Variants in DDX11 observed in about 807,000 individuals in gnomAD.
The protein encoded by DDX11 is DEAD/H-box helicase 11.
Under a neutral mutation model 125.2 loss-of-function variants are expected in DDX11, and 72 were observed. The ratio of observed to expected loss-of-function variants is 0.58; its 90% confidence interval spans 0.48 to 0.70. The LOEUF is 0.70. Among genes scored for constraint, DDX11 ranks in the 30% least tolerant of loss-of-function variants. The pLI is 0.00. For missense variants in DDX11, 883 were observed against 1,165.0 expected (o/e 0.76, Z 3.52); for synonymous variants, 347 against 452.6 (o/e 0.77, Z 2.96).
rs758078053 is a variant in DDX11, at chr12:31,092,728, C to T, written c.1243-118C>T. 6.5e-6 allele frequency: 7 copies of T among 1,070,942 alleles called. No homozygotes were observed. The Admixed American group carries it at 9.4e-5, about 14-fold the overall frequency. 66.3% of individuals were successfully genotyped at this position (1,070,942 alleles called of 1,614,324 possible). A position where few individuals can be genotyped will look rare whatever the true frequency, so the allele number is the denominator to read the frequency against. ...ACCTTTTGTCTGCAGCCAGCCCCCT[C>T]TCCTCCCTTTGGTGGCTTCCTGTGT... On this transcript the variant is annotated intron_variant, in intron 10 of 26. Coordinates refer to ENST00000542838, the MANE Select transcript of DDX11 (RefSeq NM_030653.4).
intron 18 of DDX11, among the ~76,000 whole-genome samples, chr12:31,098,594 CTG>C (rs1181174461): frequency 6.6e-6 from 1 of 152,234 alleles, no homozygotes; most frequent in Non-Finnish European, 1.5e-5. Flanking sequence ...TTGAGCATGA[CTG>C]TGATAAATAT....
chr12:31,073,864 T>G lies in DDX11; in HGVS notation c.-232T>G, dbSNP rs950278375. On this transcript the variant is annotated 5_prime_UTR_variant, in exon 1 of 27. Coordinates refer to ENST00000542838, the MANE Select transcript of DDX11 (RefSeq NM_030653.4). ...TGCGCATGCGCAGCGGCGGGGGTTG[T>G]TCCGGCTGCCTTTCACTGAGGGGAC... 8 of 152,246 alleles carry G rather than the reference T, an allele frequency of 5.3e-5. No individual in the cohort carries two copies. The highest frequency in any genetic ancestry group is 1.9e-4 in the East Asian group (1 of 5,192). 9.4% of individuals were successfully genotyped at this position (152,246 alleles called of 1,614,324 possible).
At chr12:31,078,203 C>G in intron 1 of DDX11, 187 bp from the exon 2 acceptor site, 1 of 1,527,924 alleles carries the variant, frequency 6.5e-7, no homozygotes. Flanking sequence ...AGATGGAGTG[C>G]GTGATTCTGG....
intron 17 of DDX11, among the ~76,000 whole-genome samples, chr12:31,097,535 C>T: frequency 6.7e-6 from 1 of 148,994 alleles, no homozygotes. Flanking sequence ...AAAAAATTAG[C>T]AGGGTGTGGT....
intron 12 of DDX11, 68 bp downstream of exon 12, chr12:31,093,392 C>A (rs745841397): frequency 5.0e-5 from 80 of 1,590,250 alleles, no homozygotes; most frequent in Middle Eastern, 3.3e-4. Flanking sequence ...TCCTTGGATG[C>A]CCATCAGGAC....
rs369757576 is a variant in DDX11 at position 31,101,151 on chromosome 12, C to T, written c.2052+21C>T. The T allele has an allele frequency of 1.5e-4, 243 of 1,604,716 alleles. No individual in the cohort carries two copies. In the African/African-American group the frequency reaches 2.3e-3, roughly 15 times the overall value. On this transcript the variant is annotated intron_variant, in intron 20 of 26. Transcript: ENST00000542838. ...AGATGGTCAGTCCCAGCCAGCTCGC[C>T]GCACCACAGCCTGGCCTCAGGCAGC...
chr12:31,103,816 G>A lies in DDX11; in HGVS notation c.2701G>A (p.Glu901Lys), dbSNP rs1231498308. ...AIAAVQKFHR[E>K]KSASS Reference sequence around the variant, plus strand: ...CCTTCTGTCTGCCCAGTTTCACCGGGAGAAGTCGGCCTCTTCCTGATGGGC... The same window carrying A: ...CCTTCTGTCTGCCCAGTTTCACCGGAAGAAGTCGGCCTCTTCCTGATGGGC... The change falls in exon 27 of 27, where the codon GAG (glutamate) becomes AAG (lysine). Residue 901 changes from glutamate (E) to lysine (K), a missense_variant. Glu to Lys is a moderately conservative substitution (Grantham distance 56). Transcript: ENST00000542838. 6.2e-7 allele frequency: 1 copy of A among 1,613,854 alleles called. No individual in the cohort carries two copies.
At chr12:31,093,433 C>A in intron 12 of DDX11, 109 bp downstream of exon 12, 4 of 1,466,908 alleles carry the variant, frequency 2.7e-6, no homozygotes, top group South Asian at 2.4e-5. Context: ...TAAGAAGGGT[C>A]GGCCGGGTGC....
In DDX11 at chr12:31,103,331, C is replaced by T. The variant is rs773357304; in HGVS notation, c.2472C>T (p.Gly824=). 3.7e-6 allele frequency: 6 copies of T among 1,611,096 alleles called. No homozygotes were observed. In the South Asian group the frequency reaches 6.6e-5, roughly 18 times the overall value. ...TTCACTCCCAGCCCAGAGCCCCCGG[C>T]CAGGCACCCCCAGGGAAGGCTCTGG... The part of the protein sequence containing the change: ...YLDQTLPRAP[G]QAPPGKALVE... Residue 824 remains glycine, a synonymous_variant, in exon 25 of 27, where the codon GGC becomes GGT. Coordinates refer to ENST00000542838, the MANE Select transcript of DDX11 (RefSeq NM_030653.4).
In DDX11 at chr12:31,100,634, G is replaced by C; in HGVS notation, c.1876-1G>C. 3 of 1,552,358 alleles carry C rather than the reference G, an allele frequency of 1.9e-6. No homozygotes were observed. Among genetic ancestry groups the C allele is most frequent in the Non-Finnish European group, 2.6e-6 (3 of 1,147,164 alleles). On this transcript the variant is annotated splice_acceptor_variant, in intron 18 of 26. Coordinates refer to ENST00000542838, the MANE Select transcript of DDX11 (RefSeq NM_030653.4). LOFTEE classifies it high-confidence loss of function. ...CGTGACGCTGTGGCCTTGGTCTACA[G>C]GTGTCTGACTTCCGGCAGCAGCTGC...
chr12:31,086,151 G>A (rs944703642), intron 5 of DDX11: 19 of 453,876 alleles, frequency 4.2e-5, no homozygotes, highest in South Asian at 7.8e-5. Context: ...AACGTGCTGT[G>A]GCCAAACACC....
At position 31,091,936 on chromosome 12, in the gene DDX11, C is replaced by T. The variant is rs1386657505; in HGVS notation, c.1242+65C>T. 3 of 1,606,604 alleles carry T rather than the reference C, an allele frequency of 1.9e-6. No individual in the cohort carries two copies. In the East Asian group the frequency reaches 6.7e-5, roughly 36 times the overall value. On this transcript the variant is annotated intron_variant, in intron 10 of 26. Transcript: ENST00000542838. ...ACGTAAAGGGACTTGGATGGTTCCT[C>T]CAGACACCTGGGCCAAGAGTTCCTC...
chr12:31,078,335 C>G (rs1198324470), intron 1 of DDX11, 55 bp from the exon 2 acceptor site: 1 of 1,607,858 alleles, frequency 6.2e-7, no homozygotes, highest in African/African-American at 1.3e-5. Context: ...AGATTTCAAG[C>G]CACTTCTTCC....
intron 18 of DDX11, among the ~76,000 whole-genome samples, chr12:31,098,311 GATGTATATGA>G (rs1945687469): frequency 6.6e-6 from 1 of 152,248 alleles, no homozygotes; most frequent in South Asian, 2.1e-4. Context: ...GGTTCATTTT[GATGTATATGA>G]ATATAATAGT....
chr12:31,097,010 C>T lies in DDX11; in HGVS notation c.1762+20C>T. The stretch of plus-strand genomic sequence containing the variant: ...GCCAAGGTAATCAGGTGGTTCTTGG[C>T]CAGGTTCAGTTCCCAGGAAGGAGCC... On this transcript the variant is annotated intron_variant, in intron 17 of 26. Transcript: ENST00000542838. 6.2e-7 allele frequency: 1 copy of T among 1,612,834 alleles called. No homozygotes were observed. Among genetic ancestry groups the T allele is most frequent in the Non-Finnish European group, 8.5e-7 (1 of 1,179,550 alleles).
At chr12:31,083,429 C>A (rs1171128887) in intron 2 of DDX11, among the ~76,000 whole-genome samples, 2 of 152,116 alleles carry the variant, frequency 1.3e-5, no homozygotes, top group African/African-American at 4.8e-5. Context: ...TCCCTGTTGG[C>A]GAGTACCTGG....
intron 9 of DDX11, 45 bp from the exon 10 acceptor site, chr12:31,091,674 C>T: frequency 6.4e-7 from 1 of 1,566,692 alleles, no homozygotes; most frequent in Non-Finnish European, 8.7e-7. Flanking sequence ...AAGGCTCCTG[C>T]AGGGGAGCCC....
intron 21 of DDX11, 89 bp downstream of exon 21, chr12:31,102,071 G>C (rs1946480484): frequency 6.5e-7 from 1 of 1,542,282 alleles, no homozygotes; most frequent in Non-Finnish European, 8.8e-7. Context: ...GTCAGGACAG[G>C]CTTCTGGCTC....
intron 5 of DDX11, 50 bp downstream of exon 5, chr12:31,085,176 T>A (rs1253104357): frequency 1.3e-6 from 2 of 1,540,786 alleles, no homozygotes; most frequent in Non-Finnish European, 1.8e-6. Context: ...GGGACACCCT[T>A]GAAGACAGCT....
Sources: allele counts gnomAD v4.1 joint callset (sites outside exome capture counted in the v4.1 genomes callset), GRCh38; gene constraint gnomAD v4.1.1; transcripts MANE v1.5; gene names NCBI Gene and HGNC (gene_info 2026-07-23, HGNC 2026-07-21).